The following USP34 variants were observed in gnomAD, a reference collection of about 807,000 sequenced individuals.
The protein encoded by USP34 is ubiquitin carboxyl-terminal hydrolase 34.
In USP34, 70 loss-of-function variants were observed where a neutral mutation model predicts 460.3. That is an observed-to-expected ratio of 0.15 (90% CI 0.13 to 0.19). The LOEUF (loss-of-function observed/expected upper bound fraction) is 0.19, where lower values mean the gene tolerates loss of function less well. Ranked by LOEUF, USP34 falls within the 10% of genes least tolerant of loss-of-function variation. The pLI is 1.00. For synonymous variants in USP34, 1,647 were observed against 1,405.3 expected, an observed-to-expected ratio of 1.17 and a Z score of -3.85; for missense variants, 3,985 against 4,236.2, an observed-to-expected ratio of 0.94 and a Z score of 1.65.
intron 75 of USP34, chr2:61,193,365 T>TAAAAAAAAAAAAAAAAAA (rs577314106): frequency 1.0e-4 from 10 of 97,240 alleles, no homozygotes; most frequent in African/African-American, 3.7e-4. Context: ...AGGGGAAAGG[T>TAAAAAAAAAAAAAAAAAA]AAAAAAAAAA....
rs1372052601 is a variant in USP34 at position 61,445,123 on chromosome 2, GCAAA to G, written c.44-24294_44-24291del. 1.6e-4 allele frequency among the ~76,000 whole-genome samples: 22 copies of G among 138,244 alleles called. No homozygotes were observed. The East Asian group carries it at 4.5e-3, about 29-fold the overall frequency. 90.7% of individuals were successfully genotyped at this position (138,244 alleles called of 152,430 possible). On this transcript the variant is annotated intron_variant, in intron 1 of 79. Coordinates refer to ENST00000398571, the MANE Select transcript of USP34 (RefSeq NM_014709.4). ...CCTAAAAATGAACTTTAGAAAACAA[GCAAA>G]CACTGAAAAAAAAATTTGTCAACAG...
intron 47 of USP34, 29 bp downstream of exon 47, chr2:61,256,844 G>A: frequency 6.6e-7 from 1 of 1,519,114 alleles, no homozygotes; most frequent in South Asian, 1.3e-5. Context: ...AAAGCATAAA[G>A]TAAAAAAATT....
chr2:61,451,955 C>G (rs1695291208), intron 1 of USP34, among the ~76,000 whole-genome samples: 1 of 151,772 alleles, frequency 6.6e-6, no homozygotes, highest in African/African-American at 2.4e-5. Context: ...GCGGGCGGAT[C>G]ACGAGGTCAG....
At chr2:61,247,920 C>T (rs1688462424) in intron 49 of USP34, among the ~76,000 whole-genome samples, 1 of 152,142 alleles carries the variant, frequency 6.6e-6, no homozygotes, top group Non-Finnish European at 1.5e-5. Flanking sequence ...GGCACAGTGG[C>T]TCACACCTGT....
chr2:61,351,743 CAT>C (rs2103787433), intron 10 of USP34, among the ~76,000 whole-genome samples: 1 of 152,124 alleles, frequency 6.6e-6, no homozygotes, highest in South Asian at 2.1e-4. Context: ...TGTAAGAAAA[CAT>C]AATACTGCAG....
chr2:61,278,731 T>C (rs1262291537), intron 39 of USP34, among the ~76,000 whole-genome samples: 1 of 151,920 alleles, frequency 6.6e-6, no homozygotes, highest in Non-Finnish European at 1.5e-5. Flanking sequence ...CATGTATACA[T>C]ATGTAACAAA....
intron 10 of USP34, among the ~76,000 whole-genome samples, chr2:61,352,609 T>C (rs938107982): frequency 2.0e-5 from 3 of 150,330 alleles, no homozygotes; most frequent in Non-Finnish European, 4.4e-5. Context: ...ATTACAGGAA[T>C]GAGCCACTGA....
intron 1 of USP34, among the ~76,000 whole-genome samples, chr2:61,451,771 TAA>T (rs1695285026): frequency 6.6e-6 from 1 of 152,108 alleles, no homozygotes; most frequent in South Asian, 2.1e-4. Context: ...CTAAAATCAC[TAA>T]GTCATTGTTC....
chr2:61,230,043 G>A (rs1422638289), intron 58 of USP34, among the ~76,000 whole-genome samples: 1 of 139,292 alleles, frequency 7.2e-6, no homozygotes, highest in Non-Finnish European at 1.6e-5. Flanking sequence ...AGATACACAA[G>A]TGACCCACAA....
chr2:61,398,141 A>C (rs539992929), intron 3 of USP34, among the ~76,000 whole-genome samples: 5 of 152,088 alleles, frequency 3.3e-5, no homozygotes, highest in Non-Finnish European at 7.4e-5. Context: ...TGGGAGGCTG[A>C]CTGCTTGAAC....
chr2:61,249,345 T>C (rs555132591), intron 48 of USP34, among the ~76,000 whole-genome samples: 1 of 152,216 alleles, frequency 6.6e-6, no homozygotes, highest in African/African-American at 2.4e-5. Context: ...AATGAACAAG[T>C]AGTGTATACA....
intron 1 of USP34, among the ~76,000 whole-genome samples, chr2:61,468,850 T>C (rs925340056): frequency 1.4e-4 from 22 of 152,222 alleles, no homozygotes; most frequent in African/African-American, 5.1e-4. Context: ...ATGCCACCTC[T>C]TTTCAAAAGA....
intron 66 of USP34, 129 bp downstream of exon 66, chr2:61,221,373 C>T: frequency 1.3e-6 from 1 of 789,922 alleles, no homozygotes; most frequent in African/African-American, 1.8e-5. Flanking sequence ...TCTTTTCCTC[C>T]CCAAACCTGT....
Position 61,192,927 on chromosome 2 carries a change from G to C in USP34, c.9562C>G (p.Leu3188Val). ...LPLHLALFPK[L>V]WTELCQTQSA... Reference sequence around the variant, plus strand: ...TGAGTCTGGCATAGCTCAGTCCAAAGTTTGGGGAACAGTGCAAGATGAAGT... The same window carrying C: ...TGAGTCTGGCATAGCTCAGTCCAAACTTTGGGGAACAGTGCAAGATGAAGT... The change falls in exon 76 of 80, where the codon CTT (leucine) becomes GTT (valine). Residue 3188 changes from leucine (L) to valine (V), a missense_variant. Coordinates refer to ENST00000398571, the MANE Select transcript of USP34 (RefSeq NM_014709.4). The C allele has an allele frequency of 1.9e-6, 3 of 1,613,874 alleles. No individual in the cohort carries two copies. Among genetic ancestry groups the C allele is most frequent in the Non-Finnish European group, 2.5e-6 (3 of 1,179,860 alleles).
chr2:61,316,356 G>C lies in USP34; in HGVS notation c.3282+1298C>G, dbSNP rs140875929. Reference sequence around the variant, plus strand: ...TCCCAGCACTTTGGGAGGCCAAGGCGGGTGGAAAACTTGAGGTCAGGAGTT... The same window carrying C: ...TCCCAGCACTTTGGGAGGCCAAGGCCGGTGGAAAACTTGAGGTCAGGAGTT... On this transcript the variant is annotated intron_variant, in intron 23 of 79. Transcript: ENST00000398571. 2.0e-5 allele frequency among the ~76,000 whole-genome samples: 3 copies of C among 152,016 alleles called. No homozygotes were observed. In the South Asian group the frequency reaches 6.2e-4, roughly 32 times the overall value.
chr2:61,417,765 C>CAGA (rs1694240161), intron 2 of USP34, among the ~76,000 whole-genome samples: 1 of 83,500 alleles, frequency 1.2e-5, no homozygotes, highest in Non-Finnish European at 2.2e-5. Flanking sequence ...TTTTTTTAGA[C>CAGA]AAAGTCTTGC....
chr2:61,439,087 T>G (rs1003230644), intron 1 of USP34, among the ~76,000 whole-genome samples: 16 of 152,086 alleles, frequency 1.1e-4, no homozygotes, highest in Non-Finnish European at 2.1e-4. Flanking sequence ...GAAAAAAGTC[T>G]AACAGGAATA....
intron 2 of USP34, among the ~76,000 whole-genome samples, chr2:61,412,451 T>C (rs116239980): frequency 0.014 from 2,153 of 152,164 alleles, 43 homozygotes; most frequent in African/African-American, 0.048. Context: ...CTGTAATGTA[T>C]GCAAATACAT....
chr2:61,375,513 T>C (rs1692765292), intron 8 of USP34, among the ~76,000 whole-genome samples: 1 of 152,092 alleles, frequency 6.6e-6, no homozygotes, highest in African/African-American at 2.4e-5. Flanking sequence ...CTCACGCCTG[T>C]AATCCCAGCA....
Sources: allele counts gnomAD v4.1 joint callset (sites outside exome capture counted in the v4.1 genomes callset), GRCh38; gene constraint gnomAD v4.1.1; transcripts MANE v1.5; gene names NCBI Gene and HGNC (gene_info 2026-07-23, HGNC 2026-07-21).